Variants in SLC30A7 observed in about 807,000 individuals in gnomAD.
SLC30A7 encodes the protein zinc transporter 7.
A neutral mutation model predicts 46.0 loss-of-function variants in SLC30A7; 35 were observed. The observed-to-expected ratio is 0.76, with a 90% confidence interval of 0.58 to 1.01. The LOEUF (loss-of-function observed/expected upper bound fraction) is 1.01, where lower values mean the gene tolerates loss of function less well. Ranked by LOEUF, SLC30A7 falls within the 50% of genes least tolerant of loss-of-function variation. SLC30A7 has a pLI of 0.00. For synonymous variants in SLC30A7, 147 were observed against 157.8 expected, an observed-to-expected ratio of 0.93 and a Z score of 0.51; for missense variants, 464 against 451.1, an observed-to-expected ratio of 1.03 and a Z score of -0.26.
At chr1:100,918,988 C>G (rs753666507) in intron 7 of SLC30A7, among the ~76,000 whole-genome samples, 1 of 152,084 alleles carries the variant, frequency 6.6e-6, no homozygotes, top group South Asian at 2.1e-4. Context: ...CATTTTAAGT[C>G]GAGGACTGTC....
Position 100,903,145 on chromosome 1 carries a change from A to G in SLC30A7, c.183-3707A>G, listed in dbSNP as rs1231591711. On this transcript the variant is annotated intron_variant, in intron 2 of 10. Transcript: ENST00000357650. ...ATCTATTAAATATATAGTCTAATTT[A>G]GCTCCCAAAATTGACTTTTAAATTT... Among the ~76,000 whole-genome samples the G allele has an allele frequency of 2.0e-5, 3 of 152,178 alleles. No homozygotes were observed. The South Asian group carries it at 6.2e-4, about 31-fold the overall frequency.
At chr1:100,922,031 G>A (rs901616212) in intron 8 of SLC30A7, among the ~76,000 whole-genome samples, 190 bp downstream of exon 8, 1 of 145,390 alleles carries the variant, frequency 6.9e-6, no homozygotes, top group African/African-American at 2.6e-5. Flanking sequence ...TCGGCTCATA[G>A]CCATCTCTGC....
rs183782382 is a variant in SLC30A7, at chr1:100,941,966, C to A, written c.843-19862C>A. On this transcript the variant is annotated intron_variant, in intron 8 of 10. Coordinates refer to ENST00000357650, the MANE Select transcript of SLC30A7 (RefSeq NM_133496.5). ...AAAATGAAGAGCTTCCACAGCCATTCGGGCTCTTTAGAAAACTGACTGCGA... is the reference window on the plus strand; with the variant it reads ...AAAATGAAGAGCTTCCACAGCCATTAGGGCTCTTTAGAAAACTGACTGCGA... 1.7e-3 allele frequency: 443 copies of A among 264,616 alleles called. 1 individual carries two copies. The highest frequency in any genetic ancestry group is 9.5e-3 in the African/African-American group (424 of 44,720). 16.4% of individuals were successfully genotyped at this position (264,616 alleles called of 1,614,324 possible). A position where few individuals can be genotyped will look rare whatever the true frequency, so the allele number is the denominator to read the frequency against.
intron 8 of SLC30A7, among the ~76,000 whole-genome samples, chr1:100,930,792 A>T (rs1335957901): frequency 6.6e-6 from 1 of 152,124 alleles, no homozygotes; most frequent in Non-Finnish European, 1.5e-5. Context: ...ATATTGTAAA[A>T]TTGAACATAT....
chr1:100,949,954 AC>A (rs1217184701), intron 8 of SLC30A7, among the ~76,000 whole-genome samples: 1 of 151,830 alleles, frequency 6.6e-6, no homozygotes, highest in Non-Finnish European at 1.5e-5. Context: ...AAATCCCCCA[AC>A]CCCTTGCACT....
intron 8 of SLC30A7, among the ~76,000 whole-genome samples, chr1:100,959,460 C>T (rs755202172): frequency 5.9e-5 from 9 of 152,154 alleles, no homozygotes; most frequent in Non-Finnish European, 1.0e-4. Flanking sequence ...AGGTAGCAGC[C>T]GGGGCTGCAG....
At chr1:100,995,102 T>A in the SLC30A7 span, 1 of 1,563,974 alleles carries the variant, frequency 6.4e-7, no homozygotes, top group African/African-American at 1.4e-5. Context: ...CTCAGAATAA[T>A]AACTTACTTG....
chr1:100,916,424 A>T (rs1474556438), intron 6 of SLC30A7, among the ~76,000 whole-genome samples: 1 of 152,120 alleles, frequency 6.6e-6, no homozygotes, highest in Non-Finnish European at 1.5e-5. Flanking sequence ...TGACATCGTG[A>T]TCCACCTGCC....
rs117960995 is a variant in SLC30A7 at position 100,971,942 on chromosome 1, A to G, written c.1084-2868A>G. 1.4e-3 allele frequency among the ~76,000 whole-genome samples: 218 copies of G among 152,282 alleles called. 4 individuals carry two copies. The East Asian group carries it at 0.029, about 21-fold the overall frequency. On this transcript the variant is annotated intron_variant, in intron 10 of 10. Transcript: ENST00000357650. ...ATTGAAGATATTCTAAGCCTATAGC[A>G]CCAGGTTAACATTTATTTTCTTAGG...
chr1:100,906,788 T>C, intron 2 of SLC30A7, 64 bp from the exon 3 acceptor site: 3 of 1,085,394 alleles, frequency 2.8e-6, no homozygotes, highest in South Asian at 1.3e-5. Context: ...TCTTAGACTT[T>C]CAGAGAAAGA....
intron 3 of SLC30A7, among the ~76,000 whole-genome samples, chr1:100,909,043 A>ATGTGTGTG (rs72292631): frequency 2.0e-5 from 3 of 148,164 alleles, no homozygotes; most frequent in Non-Finnish European, 4.5e-5. Context: ...TCCTCTCTTT[A>ATGTGTGTG]TGTGTGTGTG....
intron 8 of SLC30A7, among the ~76,000 whole-genome samples, chr1:100,955,761 A>G (rs1404537833): frequency 6.6e-6 from 1 of 152,152 alleles, no homozygotes; most frequent in East Asian, 1.9e-4. Context: ...TTTAAAAGGC[A>G]AAAACTAGAG....
chr1:100,897,035 G>A (rs1397413483), intron 2 of SLC30A7, among the ~76,000 whole-genome samples: 1 of 152,000 alleles, frequency 6.6e-6, no homozygotes, highest in South Asian at 2.1e-4. Context: ...TCGGGGGGGA[G>A]TGGCATTTGG....
intron 10 of SLC30A7, chr1:100,972,189 A>T (rs374117062): frequency 4.2e-6 from 1 of 237,348 alleles, no homozygotes; most frequent in South Asian, 5.1e-5. Context: ...TGTCTTTGTG[A>T]TGTGAATAAA....
intron 10 of SLC30A7, among the ~76,000 whole-genome samples, chr1:100,973,097 T>C (rs1370989839): frequency 6.6e-6 from 1 of 151,652 alleles, no homozygotes; most frequent in Non-Finnish European, 1.5e-5. Flanking sequence ...ACCAGCAAAA[T>C]TAAAATATAT....
At chr1:100,953,828 TGAAGA>T (rs1275547000) in intron 8 of SLC30A7, among the ~76,000 whole-genome samples, 1 of 152,216 alleles carries the variant, frequency 6.6e-6, no homozygotes, top group Non-Finnish European at 1.5e-5. Context: ...TTCATAAAAA[TGAAGA>T]GAAGAGATTC....
chr1:100,919,619 G>A (rs1652819461), intron 7 of SLC30A7, among the ~76,000 whole-genome samples: 1 of 152,018 alleles, frequency 6.6e-6, no homozygotes. Context: ...CTATAAATTA[G>A]CCTTGATAAT....
At chr1:100,922,405 A>G (rs1469066955) in intron 8 of SLC30A7, among the ~76,000 whole-genome samples, 1 of 152,222 alleles carries the variant, frequency 6.6e-6, no homozygotes, top group African/African-American at 2.4e-5. Flanking sequence ...ATGCAACATT[A>G]CATCTATAGA....
intron 2 of SLC30A7, among the ~76,000 whole-genome samples, chr1:100,901,414 GTATT>G (rs1651302418): frequency 1.3e-5 from 2 of 152,048 alleles, no homozygotes; most frequent in South Asian, 4.1e-4. Context: ...TTTTGCTTCT[GTATT>G]TATGTATTCA....
Sources: allele counts gnomAD v4.1 joint callset (sites outside exome capture counted in the v4.1 genomes callset), GRCh38; gene constraint gnomAD v4.1.1; transcripts MANE v1.5; gene names NCBI Gene and HGNC (gene_info 2026-07-23, HGNC 2026-07-21).